Variants in PRKAG2 observed in about 807,000 individuals in gnomAD.
PRKAG2 encodes the protein 5'-AMP-activated protein kinase subunit gamma-2.
A neutral mutation model predicts 69.6 loss-of-function variants in PRKAG2; 26 were observed. The ratio of observed to expected loss-of-function variants is 0.37; its 90% CI spans 0.27 to 0.52. The LOEUF is 0.52. Ranked by LOEUF, PRKAG2 falls within the 20% of genes least tolerant of loss-of-function variation. PRKAG2 has a pLI of 0.90. For synonymous variants in PRKAG2, 293 were observed against 285.0 expected (o/e 1.03, Z -0.28); for missense variants, 557 against 740.0 (o/e 0.75, Z 2.87).
chr7:151,608,121 C>G (rs922879928), intron 5 of PRKAG2, among the ~76,000 whole-genome samples: 1 of 152,166 alleles, frequency 6.6e-6, no homozygotes, highest in African/African-American at 2.4e-5. Context: ...ATGCCAAGGA[C>G]TGCCGGCAAC....
chr7:151,855,024 ACAC>A (rs2079680422), intron 1 of PRKAG2, among the ~76,000 whole-genome samples: 1 of 82,498 alleles, frequency 1.2e-5, no homozygotes, highest in African/African-American at 4.7e-5. Flanking sequence ...CCCTCCACAC[ACAC>A]CATGCTCCAC....
intron 5 of PRKAG2, among the ~76,000 whole-genome samples, chr7:151,620,485 GTTTTTTT>G (rs200948394): frequency 1.4e-5 from 2 of 146,272 alleles, no homozygotes; most frequent in African/African-American, 2.5e-5. Flanking sequence ...TTTTTGTTTT[GTTTTTTT>G]TTTGAGATAA....
chr7:151,754,480 G>T (rs546577187), intron 3 of PRKAG2, among the ~76,000 whole-genome samples: 5 of 151,160 alleles, frequency 3.3e-5, no homozygotes, highest in African/African-American at 4.9e-5. Context: ...GCCAGTGAGC[G>T]GGGGGCCCAG....
chr7:151,718,152 C>G (rs767185621), intron 3 of PRKAG2, among the ~76,000 whole-genome samples: 2 of 152,134 alleles, frequency 1.3e-5, no homozygotes, highest in Non-Finnish European at 2.9e-5. Context: ...GCTTACGTAA[C>G]AGAAGTTGAT....
chr7:151,823,374 C>CA (rs1216699941), intron 1 of PRKAG2, among the ~76,000 whole-genome samples: 3 of 151,260 alleles, frequency 2.0e-5, no homozygotes, highest in Non-Finnish European at 4.4e-5. Flanking sequence ...CTTGCACCCG[C>CA]AAAAAAGACA....
At chr7:151,776,776 G>A (rs565859489) in intron 3 of PRKAG2, among the ~76,000 whole-genome samples, 1 of 152,346 alleles carries the variant, frequency 6.6e-6, no homozygotes, top group African/African-American at 2.4e-5. Context: ...TAAGTTTCTG[G>A]AATGAGAGGT....
intron 1 of PRKAG2, among the ~76,000 whole-genome samples, chr7:151,859,719 C>G (rs1319261400): frequency 1.3e-5 from 2 of 152,208 alleles, no homozygotes; most frequent in African/African-American, 4.8e-5. Context: ...AGCTCCCCTT[C>G]TGCTCTCATC....
At chr7:151,669,245 G>T (rs1473799480) in intron 4 of PRKAG2, among the ~76,000 whole-genome samples, 2 of 152,108 alleles carry the variant, frequency 1.3e-5, no homozygotes, top group Admixed American at 6.5e-5. Context: ...CTCACATCAG[G>T]ATACTTGAGC....
At chr7:151,768,613 C>T (rs2075862463) in intron 3 of PRKAG2, among the ~76,000 whole-genome samples, 1 of 152,188 alleles carries the variant, frequency 6.6e-6, no homozygotes, top group South Asian at 2.1e-4. Flanking sequence ...ATTACAGGCA[C>T]ATGCCATCAT....
At chr7:151,690,745 C>T (rs1159789165) in intron 3 of PRKAG2, among the ~76,000 whole-genome samples, 2 of 152,214 alleles carry the variant, frequency 1.3e-5, no homozygotes, top group Non-Finnish European at 2.9e-5. Context: ...GTCAGCTAAG[C>T]TCATCTTCTG....
intron 9 of PRKAG2, among the ~76,000 whole-genome samples, chr7:151,571,445 GTGATCCACCTGCTT>G (rs1178361155): frequency 6.6e-6 from 1 of 152,194 alleles, no homozygotes; most frequent in Non-Finnish European, 1.5e-5. Flanking sequence ...CTGATCTCAA[GTGATCCACCTGCTT>G]TGGCCTCCCA....
rs1319496703 is a variant in PRKAG2, at chr7:151,719,142, G to A, written c.467-43505C>T. On this transcript the variant is annotated intron_variant, in intron 3 of 15. Transcript: ENST00000287878. The surrounding 1 kb of genome is among the most constrained non-coding windows in gnomAD (Gnocchi z 5.2). ...CCCCGAGCGTTGCTCCGGGAGACGA[G>A]ATGTATCTTGCAACCAGCTCAGCGG... 6.6e-6 allele frequency among the ~76,000 whole-genome samples: 1 copy of A among 152,210 alleles called. No homozygotes were observed. The highest frequency in any genetic ancestry group is 2.4e-5 in the African/African-American group (1 of 41,460).
rs766646462 is a variant in PRKAG2 at position 151,850,462 on chromosome 7, G to A, written c.114+26045C>T. Among the ~76,000 whole-genome samples the A allele has an allele frequency of 3.3e-5, 5 of 152,206 alleles. No homozygotes were observed. Among genetic ancestry groups the A allele is most frequent in the African/African-American group, 9.7e-5 (4 of 41,450 alleles). On this transcript the variant is annotated intron_variant, in intron 1 of 15. Coordinates refer to ENST00000287878, the MANE Select transcript of PRKAG2 (RefSeq NM_016203.4). This position sits in a 1 kb window ranked among gnomAD's most constrained non-coding sequence, Gnocchi z 4.1. Reference sequence around the variant, plus strand: ...TCCCATGCTCTGCCTCGAAGCACACGTCATCTGGTGGGCAGCCCTGCCATT... The same window carrying A: ...TCCCATGCTCTGCCTCGAAGCACACATCATCTGGTGGGCAGCCCTGCCATT...
rs777704331 is a variant in PRKAG2 at position 151,786,138 on chromosome 7, C to A, written c.186+332G>T. Among the ~76,000 whole-genome samples the A allele has an allele frequency of 2.0e-4, 30 of 152,174 alleles. 1 individual carries two copies. Among genetic ancestry groups the A allele is most frequent in the Admixed American group, 3.9e-4 (6 of 15,282 alleles). On this transcript the variant is annotated intron_variant, in intron 2 of 15. Transcript: ENST00000287878. ...AAGACCACAGATGGTCGGCAGTGAC[C>A]GATACCTTCCACCGGGCTTAGCTCA...
intron 3 of PRKAG2, among the ~76,000 whole-genome samples, chr7:151,773,965 G>A (rs1054110272): frequency 7.2e-5 from 11 of 152,340 alleles, no homozygotes; most frequent in Admixed American, 1.3e-4. Context: ...ACAGATGGGC[G>A]TGACTGTGTC....
At chr7:151,613,080 G>GA (rs1006639249) in intron 5 of PRKAG2, among the ~76,000 whole-genome samples, 12 of 152,216 alleles carry the variant, frequency 7.9e-5, no homozygotes, top group African/African-American at 2.4e-4. Context: ...GAGGCAGGGT[G>GA]AAAATGGGAC....
intron 1 of PRKAG2, among the ~76,000 whole-genome samples, chr7:151,833,177 G>C (rs900036501): frequency 6.6e-6 from 1 of 152,214 alleles, no homozygotes; most frequent in Non-Finnish European, 1.5e-5. Context: ...CAGAGAGCGC[G>C]TGAGTCTTTT....
intron 1 of PRKAG2, among the ~76,000 whole-genome samples, chr7:151,841,448 GGATGGTAGTGATAGTAGT>G (rs1274205120): frequency 6.6e-6 from 1 of 150,582 alleles, no homozygotes; most frequent in East Asian, 2.0e-4. Context: ...TAGTAGGTAG[GGATGGTAGTGATAGTAGT>G]GATGGTAGGT....
At chr7:151,731,233 A>G (rs1449393548) in intron 3 of PRKAG2, among the ~76,000 whole-genome samples, 1 of 152,222 alleles carries the variant, frequency 6.6e-6, no homozygotes, top group Non-Finnish European at 1.5e-5. Context: ...AGAAAGGCTT[A>G]GCCAAGCTCG....
Sources: allele counts gnomAD v4.1 joint callset (sites outside exome capture counted in the v4.1 genomes callset), GRCh38; gene constraint gnomAD v4.1.1; non-coding constraint Gnocchi (gnomAD v3.1); transcripts MANE v1.5; gene names NCBI Gene and HGNC (gene_info 2026-07-23, HGNC 2026-07-21).